The following NCAPH2 variants were observed in gnomAD, a reference collection of about 807,000 sequenced individuals.
NCAPH2 encodes condensin-2 complex subunit H2.
Under a neutral mutation model 88.6 loss-of-function variants are expected in NCAPH2, and 56 were observed. That is an observed-to-expected ratio of 0.63 (90% CI 0.51 to 0.79). NCAPH2 has a LOEUF of 0.79. NCAPH2 is among the 30% of genes least tolerant of loss of function. NCAPH2 has a pLI of 0.00. For synonymous variants in NCAPH2, 378 were observed against 313.6 expected (o/e 1.21, Z -2.17); for missense variants, 794 against 792.0 (o/e 1.00, Z -0.03).
At chr22:50,519,079 C>T (rs1002473919) in intron 8 of NCAPH2, 111 bp from the exon 9 acceptor site, 1 of 1,099,062 alleles carries the variant, frequency 9.1e-7, no homozygotes. Context: ...CCCGCCAAAT[C>T]CTCTGGGCTC....
At chr22:50,519,749 C>T in intron 9 of NCAPH2, 1 of 1,010,924 alleles carries the variant, frequency 9.9e-7, no homozygotes, top group Non-Finnish European at 1.2e-6. Flanking sequence ...CAAAATCAAC[C>T]TGATGCATAC....
chr22:50,516,606 C>G, intron 2 of NCAPH2, 58 bp downstream of exon 2: 1 of 1,525,580 alleles, frequency 6.6e-7, no homozygotes, highest in South Asian at 1.1e-5. Context: ...CCACAGTCGG[C>G]TCTCCTTCTG....
intron 1 of NCAPH2, chr22:50,515,832 G>A (rs542454225): frequency 7.9e-7 from 1 of 1,272,878 alleles, no homozygotes; most frequent in East Asian, 5.6e-5. Context: ...GGACAGCTAT[G>A]AATGCAGCCC....
intron 1 of NCAPH2, among the ~76,000 whole-genome samples, chr22:50,509,078 C>T (rs747526874): frequency 1.3e-5 from 2 of 152,158 alleles, no homozygotes; most frequent in Non-Finnish European, 2.9e-5. Context: ...CTGGCCACTC[C>T]TTTCTTTTTG....
At chr22:50,521,125 G>C (rs1215360921) in intron 10 of NCAPH2, 89 bp downstream of exon 10, 5 of 1,444,294 alleles carry the variant, frequency 3.5e-6, no homozygotes, top group Admixed American at 2.0e-5. Context: ...TGCTCCTGCT[G>C]GCCTGTGGTG....
intron 8 of NCAPH2, 33 bp downstream of exon 8, chr22:50,518,765 G>A: frequency 6.4e-7 from 1 of 1,571,752 alleles, no homozygotes; most frequent in Non-Finnish European, 8.6e-7. Context: ...GGACTGGCAG[G>A]GCAGCCAAAG....
chr22:50,518,095 G>A, intron 6 of NCAPH2, 38 bp from the exon 7 acceptor site: 2 of 1,613,610 alleles, frequency 1.2e-6, no homozygotes, highest in Non-Finnish European at 1.7e-6. Flanking sequence ...GCCTGCCTGG[G>A]AAGGGTCTCT....
intron 1 of NCAPH2, among the ~76,000 whole-genome samples, chr22:50,509,564 C>T (rs533667058): frequency 6.6e-6 from 1 of 152,354 alleles, no homozygotes; most frequent in Non-Finnish European, 1.5e-5. Context: ...TTTATTTGGT[C>T]TAGGCCACCA....
At chr22:50,522,304 G>T in intron 14 of NCAPH2, 39 bp from the exon 15 acceptor site, 1 of 1,606,254 alleles carries the variant, frequency 6.2e-7, no homozygotes, top group South Asian at 1.1e-5. Context: ...GCCCTGATGG[G>T]AGGTGACAGT....
intron 1 of NCAPH2, among the ~76,000 whole-genome samples, chr22:50,510,817 C>T (rs6009976): frequency 0.13 from 20,325 of 151,922 alleles, 3,387 homozygotes; most frequent in African/African-American, 0.39. Context: ...CAGCACCTTA[C>T]ACACTTTAGA....
At position 50,524,656 on chromosome 22, in the gene NCAPH2, CGCACCCTGCCCT is replaced by C. The variant is rs2069253345; in HGVS notation, c.*1287_*1298del. ...CTACCTGGGATCACCAGCCTGTCAC[CGCACCCTGCCCT>C]GCACCTGCACCTCAGCAAGGTGAAC... On this transcript the variant is annotated 3_prime_UTR_variant, in exon 20 of 20. Coordinates refer to ENST00000420993, the MANE Select transcript of NCAPH2 (RefSeq NM_152299.4). 2.9e-6 allele frequency: 2 copies of C among 692,540 alleles called. No homozygotes were observed. Among genetic ancestry groups the C allele is most frequent in the Non-Finnish European group, 2.7e-6 (1 of 369,356 alleles). 42.9% of individuals were successfully genotyped at this position (692,540 alleles called of 1,614,324 possible).
At position 50,524,334 on chromosome 22, in the gene NCAPH2, C is replaced by T. The variant is rs758070671; in HGVS notation, c.*959C>T. 2 of 1,601,772 alleles carry T rather than the reference C, an allele frequency of 1.2e-6. No individual in the cohort carries two copies. The highest frequency in any genetic ancestry group is 1.1e-5 in the South Asian group (1 of 91,074). On this transcript the variant is annotated 3_prime_UTR_variant, in exon 20 of 20. Transcript: ENST00000420993. ...ACCTCAGATGCAGGGCCTGGCCTCC[C>T]AGGGTCCCAGGGAGGACCCGAGGCT... is the stretch of plus-strand genomic sequence containing the variant.
At chr22:50,519,141 C>T (rs1386872929) in intron 8 of NCAPH2, 49 bp from the exon 9 acceptor site, 4 of 1,500,684 alleles carry the variant, frequency 2.7e-6, no homozygotes, top group Non-Finnish European at 3.6e-6. Context: ...TTGGTGCCGT[C>T]TGGTCTCGGC....
chr22:50,513,288 G>A (rs1268834678), intron 1 of NCAPH2, among the ~76,000 whole-genome samples: 1 of 152,184 alleles, frequency 6.6e-6, no homozygotes, highest in Non-Finnish European at 1.5e-5. Flanking sequence ...GGGGGCCAAG[G>A]TGGCTCACGC....
intron 9 of NCAPH2, chr22:50,519,725 T>C (rs2069032311): frequency 9.6e-7 from 1 of 1,038,272 alleles, no homozygotes; most frequent in African/African-American, 1.7e-5. Flanking sequence ...ATCCTTCCTT[T>C]TTATTCATTA....
intron 18 of NCAPH2, 37 bp from the exon 19 acceptor site, chr22:50,522,980 C>A: frequency 6.2e-7 from 1 of 1,608,166 alleles, no homozygotes; most frequent in Non-Finnish European, 8.5e-7. Context: ...CAGGGCCTTG[C>A]CTCTCTCCGC....
chr22:50,508,851 C>T (rs1453744176), intron 1 of NCAPH2, among the ~76,000 whole-genome samples: 2 of 152,210 alleles, frequency 1.3e-5, no homozygotes, highest in Non-Finnish European at 2.9e-5. Flanking sequence ...CAATTTCAAG[C>T]TATTGCCATG....
Position 50,524,748 on chromosome 22 carries a change from A to G in NCAPH2, c.*1373A>G. 2 of 523,622 alleles carry G rather than the reference A, an allele frequency of 3.8e-6. No individual in the cohort carries two copies. Among genetic ancestry groups the G allele is most frequent in the South Asian group, 3.2e-5 (2 of 63,154 alleles). The allele number at this position is 523,622 out of a possible 1,614,324, so 32.4% of individuals were successfully genotyped here. On this transcript the variant is annotated 3_prime_UTR_variant, in exon 20 of 20. Transcript: ENST00000420993. ...ATGCCTTGCCTGAACTAACCACGTT[A>G]TCTATTTGCAATAAACCCATTTCTT... is the stretch of plus-strand genomic sequence containing the variant.
Position 50,508,286 on chromosome 22 carries a change from A to AC in NCAPH2, c.-48dup. ...ACTAGTGGCGGGCTGAGGACGCCGT[A>AC]CCCCTCGGAAGGCAGCCCTGCGGTC... On this transcript the variant is annotated 5_prime_UTR_variant, in exon 1 of 20. Transcript: ENST00000420993. The AC allele has an allele frequency of 7.5e-7, 1 of 1,337,716 alleles. No individual in the cohort carries two copies. Among genetic ancestry groups the AC allele is most frequent in the Non-Finnish European group, 9.9e-7 (1 of 1,006,662 alleles). The allele number at this position is 1,337,716 out of a possible 1,614,324, so 82.9% of individuals were successfully genotyped here. A position where few individuals can be genotyped will look rare whatever the true frequency, so the allele number is the denominator to read the frequency against.
Sources: allele counts gnomAD v4.1 joint callset (sites outside exome capture counted in the v4.1 genomes callset), GRCh38; gene constraint gnomAD v4.1.1; transcripts MANE v1.5; gene names NCBI Gene and HGNC (gene_info 2026-07-23, HGNC 2026-07-21).